The following PARM1 variants were observed in gnomAD, a reference collection of about 807,000 sequenced individuals.
PARM1 encodes the protein WSC4, cell wall integrity and stress response component 4 homolog.
In PARM1, 14 loss-of-function variants were observed where a neutral mutation model predicts 24.6. The ratio of observed to expected loss-of-function variants is 0.57; its 90% CI spans 0.38 to 0.89. The LOEUF (loss-of-function observed/expected upper bound fraction) is 0.89, where lower values mean the gene tolerates loss of function less well. PARM1 is among the 40% of genes least tolerant of loss of function. PARM1 has a pLI of 0.00. For synonymous variants in PARM1, 179 were observed against 156.6 expected, an observed-to-expected ratio of 1.14 and a Z score of -1.07; for missense variants, 362 against 380.4, an observed-to-expected ratio of 0.95 and a Z score of 0.40.
intron 2 of PARM1, among the ~76,000 whole-genome samples, chr4:75,019,943 C>T (rs891147371): frequency 7.5e-6 from 1 of 133,272 alleles, no homozygotes; most frequent in African/African-American, 2.8e-5. Context: ...GCGGAGCTTG[C>T]AGTGAGCCGA....
At chr4:74,944,502 G>C (rs1421666813) in intron 1 of PARM1, among the ~76,000 whole-genome samples, 1 of 152,078 alleles carries the variant, frequency 6.6e-6, no homozygotes, top group Non-Finnish European at 1.5e-5. Flanking sequence ...AGCTGCGTCT[G>C]GTCTTGTGCT....
intron 1 of PARM1, among the ~76,000 whole-genome samples, chr4:74,963,633 G>A (rs188639879): frequency 2.0e-5 from 3 of 152,290 alleles, no homozygotes; most frequent in Non-Finnish European, 2.9e-5. Context: ...TAGATTAGTG[G>A]TTGCCAGGGG....
intron 1 of PARM1, among the ~76,000 whole-genome samples, chr4:74,978,827 A>G (rs1722189429): frequency 6.6e-6 from 1 of 152,190 alleles, no homozygotes; most frequent in Admixed American, 6.5e-5. Context: ...ACACAATTTC[A>G]TCAAAATTGA....
At chr4:74,969,695 T>C (rs1429738558) in intron 1 of PARM1, 1 of 152,230 alleles carries the variant, frequency 6.6e-6, no homozygotes, top group South Asian at 2.1e-4. Context: ...TGAGTAGTGT[T>C]GCAATGAAAC....
At chr4:74,944,572 T>C (rs751855335) in intron 1 of PARM1, among the ~76,000 whole-genome samples, 1 of 152,088 alleles carries the variant, frequency 6.6e-6, no homozygotes, top group Non-Finnish European at 1.5e-5. Context: ...AGTCACCATG[T>C]TCTCCGAGTG....
intron 1 of PARM1, among the ~76,000 whole-genome samples, chr4:74,955,174 A>G (rs1721606302): frequency 6.6e-6 from 1 of 152,158 alleles, no homozygotes; most frequent in Admixed American, 6.5e-5. Flanking sequence ...CTGCTAATAA[A>G]CATATTCCAA....
At chr4:74,980,608 A>T (rs1211634921) in intron 1 of PARM1, among the ~76,000 whole-genome samples, 9 of 152,334 alleles carry the variant, frequency 5.9e-5, no homozygotes, top group Non-Finnish European at 4.4e-5. Context: ...ATTATAAAAA[A>T]CTATTTTAAA....
intron 1 of PARM1, among the ~76,000 whole-genome samples, chr4:74,975,954 A>G (rs532772025): frequency 6.6e-6 from 1 of 152,290 alleles, no homozygotes; most frequent in South Asian, 2.1e-4. Flanking sequence ...GAGAGTGAGA[A>G]AAAGCAAGGT....
intron 1 of PARM1, among the ~76,000 whole-genome samples, chr4:74,954,605 A>G (rs1186280865): frequency 1.3e-5 from 2 of 152,274 alleles, no homozygotes; most frequent in African/African-American, 2.4e-5. Flanking sequence ...CTTTTCACTT[A>G]TGATGCTGAT....
At chr4:75,037,392 A>G (rs1012778506) in intron 3 of PARM1, among the ~76,000 whole-genome samples, 2 of 152,196 alleles carry the variant, frequency 1.3e-5, no homozygotes, top group African/African-American at 4.8e-5. Flanking sequence ...AGGCAGCCTC[A>G]TGATCAGAAA....
chr4:74,977,313 A>G (rs183758919), intron 1 of PARM1, among the ~76,000 whole-genome samples: 25 of 152,338 alleles, frequency 1.6e-4, no homozygotes, highest in African/African-American at 5.8e-4. Flanking sequence ...TCACAATGCA[A>G]CCACAAGTAT....
intron 1 of PARM1, among the ~76,000 whole-genome samples, chr4:75,010,987 G>A (rs1029725399): frequency 2.0e-5 from 3 of 152,188 alleles, no homozygotes; most frequent in Admixed American, 6.5e-5. Flanking sequence ...TTTACTTATG[G>A]TGGAAGGGGA....
intron 1 of PARM1, among the ~76,000 whole-genome samples, chr4:74,940,849 T>C (rs980405119): frequency 6.6e-6 from 1 of 152,234 alleles, no homozygotes. Context: ...TACAATGCAC[T>C]GTCTGTATGT....
intron 1 of PARM1, among the ~76,000 whole-genome samples, chr4:74,934,996 C>CTTTTTTTTTTTTTTTTTTTTTTTTT: frequency 8.6e-6 from 1 of 116,552 alleles, no homozygotes; most frequent in Non-Finnish European, 1.7e-5. Flanking sequence ...GCTCTTTTTT[C>CTTTTTTTTTTTTTTTTTTTTTTTTT]TTTTTTTTTT....
rs1723475031 is a variant in PARM1, at chr4:75,041,154, T to C, written c.849-5009T>C. 2.6e-5 allele frequency among the ~76,000 whole-genome samples: 4 copies of C among 152,140 alleles called. No homozygotes were observed. In the South Asian group the frequency reaches 8.3e-4, roughly 32 times the overall value. On this transcript the variant is annotated intron_variant, in intron 3 of 3. Transcript: ENST00000307428. Reference sequence around the variant, plus strand: ...TCAGTTTATTAAGGTATCAACCAGGTGCTAGAATAGGGCCTGATAGATGGT... The same window carrying C: ...TCAGTTTATTAAGGTATCAACCAGGCGCTAGAATAGGGCCTGATAGATGGT...
At chr4:74,958,260 G>A (rs190392940) in intron 1 of PARM1, among the ~76,000 whole-genome samples, 25 of 152,216 alleles carry the variant, frequency 1.6e-4, no homozygotes, top group Admixed American at 5.9e-4. Flanking sequence ...GACTCAGCAC[G>A]TTCCTTGAAC....
intron 2 of PARM1, among the ~76,000 whole-genome samples, chr4:75,013,485 A>G (rs1263854407): frequency 6.6e-6 from 1 of 152,238 alleles, no homozygotes; most frequent in East Asian, 1.9e-4. Context: ...ACCTTAGACA[A>G]GTTACTTCAC....
At chr4:75,014,395 A>G (rs1304186647) in intron 2 of PARM1, among the ~76,000 whole-genome samples, 1 of 152,184 alleles carries the variant, frequency 6.6e-6, no homozygotes, top group African/African-American at 2.4e-5. Flanking sequence ...AACTAATGAC[A>G]AAGGTCTGGC....
intron 1 of PARM1, among the ~76,000 whole-genome samples, chr4:74,964,871 T>C (rs1423055716): frequency 6.6e-6 from 1 of 152,200 alleles, no homozygotes; most frequent in East Asian, 1.9e-4. Flanking sequence ...AAATTACCTG[T>C]CCTTATAAGA....
Sources: allele counts gnomAD v4.1 joint callset (sites outside exome capture counted in the v4.1 genomes callset), GRCh38; gene constraint gnomAD v4.1.1; transcripts MANE v1.5; gene names NCBI Gene and HGNC (gene_info 2026-07-23, HGNC 2026-07-21).